PTPRD: variants seen among roughly 807,000 people sequenced by gnomAD.
PTPRD encodes the protein protein tyrosine phosphatase receptor type D.
PTPRD carries 34 observed loss-of-function variants against 214.5 expected under a neutral mutation model. The observed-to-expected ratio is 0.16, with a 90% confidence interval of 0.12 to 0.21. The LOEUF (loss-of-function observed/expected upper bound fraction) is 0.21, where lower values mean the gene tolerates loss of function less well. PTPRD is among the 10% of genes least tolerant of loss of function. The pLI, the probability that PTPRD is intolerant of heterozygous loss-of-function variation, is 1.00. For synonymous variants in PTPRD, 1,128 were observed against 845.7 expected (o/e 1.33, Z -5.79); for missense variants, 2,545 against 2,398.7 (o/e 1.06, Z -1.27).
chr9:10,255,022 A>T (rs1016785999), intron 3 of PTPRD, among the ~76,000 whole-genome samples: 1 of 152,228 alleles, frequency 6.6e-6, no homozygotes, highest in African/African-American at 2.4e-5. Context: ...TGTTTAGAAA[A>T]CATGGCTTTG....
chr9:8,405,043 T>C (rs996141444), intron 35 of PTPRD, among the ~76,000 whole-genome samples: 1 of 152,210 alleles, frequency 6.6e-6, no homozygotes, highest in African/African-American at 2.4e-5. Flanking sequence ...TTCCCTATTC[T>C]TTCCTATCTG....
At chr9:9,113,789 G>C (rs1232446479) in intron 10 of PTPRD, among the ~76,000 whole-genome samples, 1 of 152,108 alleles carries the variant, frequency 6.6e-6, no homozygotes, top group Non-Finnish European at 1.5e-5. Context: ...AAGTAGTGTA[G>C]CCATTTTATT....
rs776522668 is a variant in PTPRD at position 10,187,889 on chromosome 9, T to A, written c.-545+153074A>T. 2.6e-5 allele frequency among the ~76,000 whole-genome samples: 4 copies of A among 152,214 alleles called. 1 individual carries two copies. The highest frequency in any genetic ancestry group is 1.3e-4 in the Admixed American group (2 of 15,278). Reference sequence around the variant, plus strand: ...TCTGGCTAGAATTATCTTTCCTAAATGTAGTTTGGAGTTTGGTCACTTTAT... The same window carrying A: ...TCTGGCTAGAATTATCTTTCCTAAAAGTAGTTTGGAGTTTGGTCACTTTAT... On this transcript the variant is annotated intron_variant, in intron 3 of 45. Transcript: ENST00000381196.
intron 10 of PTPRD, among the ~76,000 whole-genome samples, chr9:9,102,447 A>G (rs2154442379): frequency 6.6e-6 from 1 of 152,332 alleles, no homozygotes; most frequent in South Asian, 2.1e-4. Flanking sequence ...TCATCCAAAG[A>G]TAACTGCCAG....
At chr9:9,736,150 T>C (rs546459010) in intron 6 of PTPRD, among the ~76,000 whole-genome samples, 1 of 152,154 alleles carries the variant, frequency 6.6e-6, no homozygotes, top group African/African-American at 2.4e-5. Context: ...GAACATATCA[T>C]AGGATGTCAT....
intron 3 of PTPRD, among the ~76,000 whole-genome samples, chr9:10,287,235 GCTAA>G (rs1298630995): frequency 2.0e-5 from 3 of 152,148 alleles, no homozygotes; most frequent in Non-Finnish European, 2.9e-5. Flanking sequence ...GAGTGTTTGT[GCTAA>G]CTGTGATACT....
intron 30 of PTPRD, among the ~76,000 whole-genome samples, chr9:8,480,230 T>C (rs138697794): frequency 2.5e-4 from 38 of 152,314 alleles, no homozygotes; most frequent in Non-Finnish European, 5.3e-4. Context: ...CTCTTGCCTC[T>C]ACACCATCAG....
intron 9 of PTPRD, among the ~76,000 whole-genome samples, chr9:9,260,986 A>G (rs893901693): frequency 6.6e-6 from 1 of 151,772 alleles, no homozygotes; most frequent in Non-Finnish European, 1.5e-5. Context: ...TTCATTGTAC[A>G]TTTCATTTTT....
chr9:8,783,976 G>A (rs2095841550), intron 11 of PTPRD, among the ~76,000 whole-genome samples: 1 of 152,126 alleles, frequency 6.6e-6, no homozygotes, highest in South Asian at 2.1e-4. Context: ...TCACGAAAGG[G>A]TTGTGCGCCT....
At chr9:10,600,402 A>G (rs534759865) in intron 2 of PTPRD, among the ~76,000 whole-genome samples, 1 of 151,788 alleles carries the variant, frequency 6.6e-6, no homozygotes, top group African/African-American at 2.4e-5. Context: ...CCCAGAAAGT[A>G]CACCCAATTT....
At chr9:9,843,979 T>A (rs1160859562) in intron 5 of PTPRD, among the ~76,000 whole-genome samples, 1 of 152,016 alleles carries the variant, frequency 6.6e-6, no homozygotes, top group Non-Finnish European at 1.5e-5. Flanking sequence ...TAGAAACATA[T>A]ACCTATGTAT....
At chr9:8,965,433 A>G (rs2099187737) in intron 11 of PTPRD, among the ~76,000 whole-genome samples, 1 of 151,940 alleles carries the variant, frequency 6.6e-6, no homozygotes, top group Non-Finnish European at 1.5e-5. Context: ...CTGTCAGTGA[A>G]GTGTTGAAGT....
At chr9:10,360,476 C>G (rs1565529360) in intron 2 of PTPRD, among the ~76,000 whole-genome samples, 1 of 152,198 alleles carries the variant, frequency 6.6e-6, no homozygotes, top group Non-Finnish European at 1.5e-5. Flanking sequence ...CTTTTGTTCC[C>G]TCTATCATTC....
At chr9:10,211,738 G>C (rs1292205072) in intron 3 of PTPRD, among the ~76,000 whole-genome samples, 1 of 152,110 alleles carries the variant, frequency 6.6e-6, no homozygotes, top group Admixed American at 6.6e-5. Flanking sequence ...AGAAGTGAGA[G>C]CTAAACAGTG....
chr9:10,418,987 T>C (rs1363196184), intron 2 of PTPRD, among the ~76,000 whole-genome samples: 1 of 151,786 alleles, frequency 6.6e-6, no homozygotes, highest in Non-Finnish European at 1.5e-5. Context: ...TTTCCCCAAC[T>C]CTCATTACAC....
chr9:8,984,154 C>G (rs958429508), intron 11 of PTPRD, among the ~76,000 whole-genome samples: 1 of 151,876 alleles, frequency 6.6e-6, no homozygotes, highest in East Asian at 1.9e-4. Context: ...AAAAACAATA[C>G]AAAGACATGT....
chr9:10,132,759 C>T (rs1322160), intron 3 of PTPRD, among the ~76,000 whole-genome samples: 17,755 of 152,162 alleles, frequency 0.12, 1,210 homozygotes, highest in South Asian at 0.26. Context: ...CTCCTTCTAA[C>T]CTTAGAATGA....
chr9:9,253,503 GAAA>G (rs34372973), intron 9 of PTPRD, among the ~76,000 whole-genome samples: 1 of 149,856 alleles, frequency 6.7e-6, no homozygotes, highest in Non-Finnish European at 1.5e-5. Flanking sequence ...ACTTGTTTTT[GAAA>G]AAAAAAATAT....
intron 2 of PTPRD, among the ~76,000 whole-genome samples, chr9:10,403,863 CA>C (rs1565817153): frequency 1.3e-5 from 2 of 151,508 alleles, no homozygotes; most frequent in African/African-American, 4.8e-5. Context: ...GATGAATAGG[CA>C]GAACACAGAG....
Sources: gnomAD v4.1 joint callset for allele counts (sites outside exome capture counted in the v4.1 genomes callset) on GRCh38, gnomAD v4.1.1 for gene constraint, MANE v1.5 for transcripts, NCBI Gene and HGNC (gene_info 2026-07-23, HGNC 2026-07-21) for gene names.